Variants in CDH13 observed in about 807,000 individuals in gnomAD.
CDH13 encodes the protein cadherin-13.
Under a neutral mutation model 63.8 loss-of-function variants are expected in CDH13, and 24 were observed. That is an observed-to-expected ratio of 0.38 (90% CI 0.27 to 0.53). The LOEUF is 0.53. Ranked by LOEUF, CDH13 falls within the 20% of genes least tolerant of loss-of-function variation. The pLI is 0.85. For synonymous variants in CDH13, 503 were observed against 355.3 expected, an observed-to-expected ratio of 1.42 and a Z score of -4.67; for missense variants, 1,049 against 903.1, an observed-to-expected ratio of 1.16 and a Z score of -2.07.
At chr16:82,812,550 G>A (rs2037500857) in intron 1 of CDH13, among the ~76,000 whole-genome samples, 1 of 152,094 alleles carries the variant, frequency 6.6e-6, no homozygotes, top group African/African-American at 2.4e-5. Flanking sequence ...GAGGAGAGGA[G>A]TGAAACTCAA....
intron 1 of CDH13, among the ~76,000 whole-genome samples, chr16:82,654,664 C>G (rs1259467488): frequency 6.6e-6 from 1 of 152,010 alleles, no homozygotes; most frequent in Non-Finnish European, 1.5e-5. Context: ...GGCAGACATC[C>G]TTAGGGGATG....
chr16:82,735,157 G>A (rs1054806168), intron 1 of CDH13, among the ~76,000 whole-genome samples: 3 of 152,178 alleles, frequency 2.0e-5, no homozygotes, highest in African/African-American at 7.2e-5. Context: ...CAAGGGGAAA[G>A]GCTTCAAAGA....
At chr16:83,312,168 C>T (rs938988989) in intron 5 of CDH13, among the ~76,000 whole-genome samples, 8 of 151,616 alleles carry the variant, frequency 5.3e-5, no homozygotes, top group African/African-American at 1.9e-4. Context: ...CCCTTGATTG[C>T]ACAATCTCCT....
At chr16:83,371,316 A>G (rs903967823) in intron 6 of CDH13, among the ~76,000 whole-genome samples, 5 of 152,150 alleles carry the variant, frequency 3.3e-5, no homozygotes, top group African/African-American at 1.2e-4. Context: ...CACATTCTCC[A>G]TCATTTCTTT....
chr16:83,474,753 C>T (rs962288424), intron 6 of CDH13, among the ~76,000 whole-genome samples: 34 of 152,228 alleles, frequency 2.2e-4, no homozygotes. Context: ...CAGCACAGAT[C>T]TCCCAGAACA....
intron 5 of CDH13, among the ~76,000 whole-genome samples, chr16:83,297,218 A>G (rs2089623198): frequency 6.6e-6 from 1 of 152,116 alleles, no homozygotes; most frequent in Admixed American, 6.5e-5. Flanking sequence ...AAATAGCTAG[A>G]AGGGAGGATT....
intron 5 of CDH13, among the ~76,000 whole-genome samples, chr16:83,276,813 G>A (rs546353807): frequency 7.9e-5 from 12 of 152,274 alleles, no homozygotes; most frequent in Non-Finnish European, 1.8e-4. Context: ...GGAGCCTACA[G>A]GAGCCAAGAT....
intron 8 of CDH13, among the ~76,000 whole-genome samples, chr16:83,646,129 G>C (rs565582401): frequency 6.6e-6 from 1 of 152,212 alleles, no homozygotes; most frequent in East Asian, 1.9e-4. Flanking sequence ...AAGCCACCAG[G>C]TAGGGTTGCA....
At chr16:83,427,309 C>G (rs771425329) in intron 6 of CDH13, among the ~76,000 whole-genome samples, 20 of 151,784 alleles carry the variant, frequency 1.3e-4, no homozygotes, top group African/African-American at 1.7e-4. Flanking sequence ...CTGGATAGAC[C>G]CAATAGAATC....
chr16:83,616,267 A>G (rs538893532), intron 8 of CDH13, among the ~76,000 whole-genome samples: 2 of 152,296 alleles, frequency 1.3e-5, no homozygotes, highest in East Asian at 1.9e-4. Context: ...AAAAATATAT[A>G]ATCTACCATG....
chr16:83,742,890 C>G (rs1396805367), intron 10 of CDH13, among the ~76,000 whole-genome samples: 2 of 152,180 alleles, frequency 1.3e-5, no homozygotes, highest in Admixed American at 6.5e-5. Flanking sequence ...CTTGAGGTCT[C>G]CCATGGGAGG....
chr16:82,818,731 G>A (rs2037850699), intron 1 of CDH13, among the ~76,000 whole-genome samples: 1 of 152,164 alleles, frequency 6.6e-6, no homozygotes, highest in African/African-American at 2.4e-5. Flanking sequence ...TCTGGCCACA[G>A]GCATCTCTCG....
chr16:83,462,820 A>G (rs1198169333), intron 6 of CDH13, among the ~76,000 whole-genome samples: 1 of 152,108 alleles, frequency 6.6e-6, no homozygotes, highest in Non-Finnish European at 1.5e-5. Flanking sequence ...ACCCTGAAAC[A>G]TCTCTAATAC....
chr16:82,804,864 G>C (rs547596620), intron 1 of CDH13, among the ~76,000 whole-genome samples: 9 of 152,012 alleles, frequency 5.9e-5, no homozygotes, highest in Non-Finnish European at 1.3e-4. Context: ...ATAATCTAAG[G>C]GTTATCAAAG....
At chr16:83,555,337 A>G (rs932342616) in intron 7 of CDH13, among the ~76,000 whole-genome samples, 2 of 152,170 alleles carry the variant, frequency 1.3e-5, no homozygotes, top group African/African-American at 4.8e-5. Context: ...AGATTTTTAG[A>G]CTTTCAGAAA....
At chr16:83,562,722 G>A (rs1312166493) in intron 7 of CDH13, among the ~76,000 whole-genome samples, 1 of 152,168 alleles carries the variant, frequency 6.6e-6, no homozygotes, top group Non-Finnish European at 1.5e-5. Flanking sequence ...TGTCTATTTT[G>A]GGTAGAAGAT....
intron 1 of CDH13, among the ~76,000 whole-genome samples, chr16:82,785,374 A>G (rs1485677803): frequency 6.6e-6 from 1 of 152,138 alleles, no homozygotes; most frequent in African/African-American, 2.4e-5. Flanking sequence ...CTTCAGGCCT[A>G]TTTAATAAAA....
At position 83,190,840 on chromosome 16, in the gene CDH13, C is replaced by A. The variant is rs1363534737; in HGVS notation, c.484-26505C>A. On this transcript the variant is annotated intron_variant, in intron 4 of 13. Transcript: ENST00000567109. Reference sequence around the variant, plus strand: ...GCTCAACCAAACAGCCAATTGATTTCTTTCCCATCTTCTTATAATGGCTAA... The same window carrying A: ...GCTCAACCAAACAGCCAATTGATTTATTTCCCATCTTCTTATAATGGCTAA... Among the ~76,000 whole-genome samples, 3 of 152,114 alleles carry A rather than the reference C, an allele frequency of 2.0e-5. No homozygotes were observed. In the East Asian group the frequency reaches 5.8e-4, roughly 29 times the overall value.
At chr16:83,441,056 G>T in intron 6 of CDH13, among the ~76,000 whole-genome samples, 1 of 152,128 alleles carries the variant, frequency 6.6e-6, no homozygotes, top group East Asian at 1.9e-4. Context: ...TTTATTATCT[G>T]TTCTTTCATC....
Sources: gnomAD v4.1 joint callset for allele counts (sites outside exome capture counted in the v4.1 genomes callset) on GRCh38, gnomAD v4.1.1 for gene constraint, MANE v1.5 for transcripts, NCBI Gene and HGNC (gene_info 2026-07-23, HGNC 2026-07-21) for gene names.